The following CCDC154 variants were observed in gnomAD, a reference collection of about 807,000 sequenced individuals.
CCDC154 encodes coiled-coil domain containing 154.
CCDC154 carries 91 observed loss-of-function variants against 87.5 expected under a neutral mutation model. The observed-to-expected ratio is 1.04, with a 90% CI of 0.88 to 1.24. CCDC154 has a LOEUF of 1.24. CCDC154 is among the 50% of genes most tolerant of loss of function. CCDC154 has a pLI of 0.00. For missense variants in CCDC154, 903 were observed against 879.2 expected (o/e 1.03, Z -0.34); for synonymous variants, 418 against 400.4 (o/e 1.04, Z -0.52).
chr16:1,440,500 G>GAACAGAACAGAA (rs779642361), intron 6 of CCDC154, among the ~76,000 whole-genome samples: 2 of 147,308 alleles, frequency 1.4e-5, no homozygotes, highest in Non-Finnish European at 3.0e-5. Context: ...ACAGAAAAGA[G>GAACAGAACAGAA]AAGAGAAGAG....
intron 6 of CCDC154, among the ~76,000 whole-genome samples, chr16:1,441,924 G>T (rs1373096242): frequency 6.6e-6 from 1 of 150,796 alleles, no homozygotes; most frequent in East Asian, 1.9e-4. Flanking sequence ...TTGTTTTTTT[G>T]TTTTGTTTTG....
Position 1,434,718 on chromosome 16 carries a change from C to A in CCDC154, c.1827G>T (p.Ala609=). The change falls in exon 16 of 17, where the codon GCG becomes GCT. Residue 609 remains alanine, a synonymous_variant. Coordinates refer to ENST00000389176, the MANE Select transcript of CCDC154 (RefSeq NM_001143980.3). ...VRPRVFIKDM[A]PGKVVPMNCW... ...AGTTCATGGGCACCACCTTGCCAGG[C>A]GCCATGTCCTTGATGAAGACCCGCG... 1 of 1,546,892 alleles carries A rather than the reference C, an allele frequency of 6.5e-7. No homozygotes were observed. Among genetic ancestry groups the A allele is most frequent in the Non-Finnish European group, 8.7e-7 (1 of 1,146,826 alleles).
Position 1,442,523 on chromosome 16 carries a change from G to A in CCDC154, c.558C>T (p.Ala186=), listed in dbSNP as rs1567259213. 1 of 1,544,006 alleles carries A rather than the reference G, an allele frequency of 6.5e-7. No homozygotes were observed. Among genetic ancestry groups the A allele is most frequent in the Non-Finnish European group, 8.7e-7 (1 of 1,143,832 alleles). The part of the protein sequence containing the change: ...GAEQEAGLRL[A]KLTDLLQQEE... ...CCTGCTGCAGCAAGTCGGTCAGCTT[G>A]GCCAGTCTAGAGAAGTCGGCTGTGG... Residue 186 remains alanine, a synonymous_variant, in exon 6 of 17, where the codon GCC becomes GCT. Transcript: ENST00000389176.
At chr16:1,437,989 T>G (rs1054897991) in intron 10 of CCDC154, 35 bp from the exon 11 acceptor site, 1 of 1,537,528 alleles carries the variant, frequency 6.5e-7, no homozygotes, top group Non-Finnish European at 8.8e-7. Flanking sequence ...GAGGCCTGGC[T>G]GAGCGCCCAT....
In CCDC154 at chr16:1,439,030, C is replaced by T. The variant is rs1226972209; in HGVS notation, c.772G>A (p.Glu258Lys). The T allele has an allele frequency of 6.5e-7, 1 of 1,550,118 alleles. No homozygotes were observed. The highest frequency in any genetic ancestry group is 1.4e-5 in the African/African-American group (1 of 73,052). Residue 258 changes from glutamate (E) to lysine (K), a missense_variant, in exon 7 of 17, where the codon GAG (glutamate) becomes AAG (lysine). Coordinates refer to ENST00000389176, the MANE Select transcript of CCDC154 (RefSeq NM_001143980.3). ...GFLQKSFLAL[E>K]KRMKASESSR... ...AGCCGCGGGCAGGCTCCCACCTTCT[C>T]CAGGGCCAGGAAGCTCTTCTGCAGG...
chr16:1,438,033 T>C lies in CCDC154; in HGVS notation c.1152+17A>G, dbSNP rs892185802. On this transcript the variant is annotated intron_variant, in intron 10 of 16. Coordinates refer to ENST00000389176, the MANE Select transcript of CCDC154 (RefSeq NM_001143980.3). ...CGTGGGAGACCCCGTTGGGGACATGTTGCGCTACCCCCTCACCAGCACCAG... is the reference window on the plus strand; with the variant it reads ...CGTGGGAGACCCCGTTGGGGACATGCTGCGCTACCCCCTCACCAGCACCAG... 3 of 1,544,920 alleles carry C rather than the reference T, an allele frequency of 1.9e-6. No individual in the cohort carries two copies. The highest frequency in any genetic ancestry group is 2.6e-6 in the Non-Finnish European group (3 of 1,143,536).
At position 1,438,103 on chromosome 16, in the gene CCDC154, C is replaced by A. The variant is rs952100329; in HGVS notation, c.1099G>T (p.Ala367Ser). ...AAYVQENLEA[A>S]QLAGELARQE... is the part of the protein sequence containing the mutation. ...CGGGCCAGCTCGCCAGCCAGCTGTG[C>A]GGCCTCCAGGTTCTCCTGCACATAG... Residue 367 changes from alanine (A) to serine (S), a missense_variant, in exon 10 of 17, where the codon GCA (alanine) becomes TCA (serine). Ala to Ser is a moderately conservative substitution (Grantham distance 99). Transcript: ENST00000389176. 1 of 1,548,726 alleles carries A rather than the reference C, an allele frequency of 6.5e-7. No individual in the cohort carries two copies. Among genetic ancestry groups the A allele is most frequent in the Non-Finnish European group, 8.7e-7 (1 of 1,146,176 alleles).
At position 1,443,595 on chromosome 16, in the gene CCDC154, C is replaced by T; in HGVS notation, c.325G>A (p.Ala109Thr). 1 of 1,452,004 alleles carries T rather than the reference C, an allele frequency of 6.9e-7. No individual in the cohort carries two copies. The highest frequency in any genetic ancestry group is 9.1e-7 in the Non-Finnish European group (1 of 1,098,540). 89.9% of individuals were successfully genotyped at this position (1,452,004 alleles called of 1,614,324 possible). The change falls in exon 3 of 17, where the codon GCC becomes ACC. Residue 109 changes from alanine to threonine, a missense_variant. Coordinates refer to ENST00000389176, the MANE Select transcript of CCDC154 (RefSeq NM_001143980.3). ...SLLRELLQVR[A>T]RVQLQGSELR... is the part of the protein sequence containing the mutation. ...TCTGAGCCCTGCAGCTGCACGCGGG[C>T]CCGCACCTGGAGCAGCTCCCGCAGC...
intron 11 of CCDC154, chr16:1,437,524 G>A (rs2038512657): frequency 2.5e-6 from 1 of 404,290 alleles, no homozygotes; most frequent in Non-Finnish European, 4.4e-6. Flanking sequence ...AGGGGTGGAG[G>A]CCGCTTGTCT....
intron 6 of CCDC154, among the ~76,000 whole-genome samples, chr16:1,440,393 T>A (rs1047428112): frequency 6.8e-6 from 1 of 148,130 alleles, no homozygotes; most frequent in Non-Finnish European, 1.5e-5. Context: ...GGGCTTGTAG[T>A]AAGCTGAGAT....
At chr16:1,441,801 C>T (rs752733952) in intron 6 of CCDC154, among the ~76,000 whole-genome samples, 2 of 152,188 alleles carry the variant, frequency 1.3e-5, no homozygotes, top group Non-Finnish European at 1.5e-5. Flanking sequence ...GATGAGGTCT[C>T]GCTGTGTTGC....
At chr16:1,435,056 C>T (rs1360731241) in intron 15 of CCDC154, 33 bp downstream of exon 15, 2 of 1,539,018 alleles carry the variant, frequency 1.3e-6, no homozygotes, top group Admixed American at 2.0e-5. Flanking sequence ...CGGGTGGGAG[C>T]TGGGCGGTGC....
intron 6 of CCDC154, among the ~76,000 whole-genome samples, chr16:1,439,721 A>AT (rs1218836784): frequency 1.3e-5 from 2 of 152,028 alleles, no homozygotes; most frequent in African/African-American, 4.8e-5. Flanking sequence ...TAGAGTAGAT[A>AT]TTTTTCTGTA....
At chr16:1,439,504 G>A (rs2038532742) in intron 6 of CCDC154, among the ~76,000 whole-genome samples, 1 of 152,054 alleles carries the variant, frequency 6.6e-6, no homozygotes, top group Non-Finnish European at 1.5e-5. Context: ...AGAGCCTTGG[G>A]GCCTTGTCTC....
At chr16:1,436,892 G>A in intron 11 of CCDC154, 81 bp from the exon 12 acceptor site, 1 of 1,515,008 alleles carries the variant, frequency 6.6e-7, no homozygotes, top group Non-Finnish European at 8.9e-7. Flanking sequence ...GGGAGCTCTG[G>A]GGAGCAGGCG....
rs1353241276 is a variant in CCDC154, at chr16:1,436,697, G to C, written c.1405C>G (p.Gln469Glu). The change falls in exon 12 of 17, where the codon CAG (glutamine) becomes GAG (glutamate). Residue 469 changes from glutamine (Q) to glutamate (E), a missense_variant. By Grantham distance (29) the Gln-to-Glu change is conservative. Coordinates refer to ENST00000389176, the MANE Select transcript of CCDC154 (RefSeq NM_001143980.3). ...GVREKVDGLP[Q>E]QIESVSDKCL... is the part of the protein sequence containing the mutation. ...CTGGCTGTGCCTTCGCCCACCTGCTGGGGGAGGCCATCCACCTTCTCCCGC... is the reference window on the plus strand; with the variant it reads ...CTGGCTGTGCCTTCGCCCACCTGCTCGGGGAGGCCATCCACCTTCTCCCGC... 5.2e-6 allele frequency: 8 copies of C among 1,550,104 alleles called. No individual in the cohort carries two copies. In the South Asian group the frequency reaches 8.3e-5, roughly 16 times the overall value.
rs1381331615 is a variant in CCDC154, at chr16:1,436,777, GA to G, written c.1324del (p.Ser442ProfsTer12). ...CCGCCACCTGGCCAGGTCCTCCAGG[GA>G]CTTCCTCTCTGCACCTTCCCATTCG... ...KTEWEGAERK[S>X]LEDLARWRKE... On this transcript the variant is annotated frameshift_variant, in exon 12 of 17. Transcript: ENST00000389176. LOFTEE classifies it high-confidence loss of function. The G allele has an allele frequency of 2.1e-5, 32 of 1,550,458 alleles. No homozygotes were observed. Among genetic ancestry groups the G allele is most frequent in the Non-Finnish European group, 2.6e-5 (30 of 1,146,976 alleles).
Position 1,438,933 on chromosome 16 carries a change from G to C in CCDC154, c.788C>G (p.Ala263Gly). Residue 263 changes from alanine (A) to glycine (G), a missense_variant, in exon 8 of 17, where the codon GCC becomes GGC. Coordinates refer to ENST00000389176, the MANE Select transcript of CCDC154 (RefSeq NM_001143980.3). ...SFLALEKRMK[A>G]SESSRLKLEG... ...CAGCTTCAGCCGTGAGCTCTCCGAG[G>C]CCTTCATTCTCTGTGGGGAGACCCC... 1 of 1,549,264 alleles carries C rather than the reference G, an allele frequency of 6.5e-7. No individual in the cohort carries two copies. The highest frequency in any genetic ancestry group is 8.7e-7 in the Non-Finnish European group (1 of 1,146,342).
Position 1,436,071 on chromosome 16 carries a change from C to G in CCDC154, c.1503G>C (p.Gly501=). The part of the protein sequence containing the change: ...AEGKAREFKV[G]ALRQELATLL... ...GCGTGGCCAGCTCCTGCCGCAGGGC[C>G]CCAACCTTGAACTCCCTATGGGCAC... The change falls in exon 14 of 17, where the codon GGG becomes GGC. Residue 501 remains glycine, a synonymous_variant. Coordinates refer to ENST00000389176, the MANE Select transcript of CCDC154 (RefSeq NM_001143980.3). The G allele has an allele frequency of 6.5e-7, 1 of 1,550,248 alleles. No homozygotes were observed. The highest frequency in any genetic ancestry group is 8.7e-7 in the Non-Finnish European group (1 of 1,146,870).
Sources: allele counts gnomAD v4.1 joint callset (sites outside exome capture counted in the v4.1 genomes callset), GRCh38; gene constraint gnomAD v4.1.1; transcripts MANE v1.5; gene names NCBI Gene and HGNC (gene_info 2026-07-23, HGNC 2026-07-21).